ESYT2: variants seen among roughly 807,000 people sequenced by gnomAD.
ESYT2 encodes extended synaptotagmin 2.
ESYT2 carries 54 observed loss-of-function variants against 107.2 expected under a neutral mutation model. The ratio of observed to expected loss-of-function variants is 0.50; its 90% CI spans 0.40 to 0.63. ESYT2 has a LOEUF of 0.63. Ranked by LOEUF, ESYT2 falls within the 30% of genes least tolerant of loss-of-function variation. The pLI, the probability that ESYT2 is intolerant of heterozygous loss-of-function variation, is 0.00. For missense variants in ESYT2, 1,020 were observed against 1,094.5 expected (o/e 0.93, Z 0.96); for synonymous variants, 491 against 434.1 (o/e 1.13, Z -1.63).
chr7:158,739,210 C>G, intron 18 of ESYT2, 89 bp from the exon 19 acceptor site: 1 of 1,117,588 alleles, frequency 8.9e-7, no homozygotes. Context: ...AAAATAATTT[C>G]TATTCATTTA....
In ESYT2 at chr7:158,743,670, G is replaced by C. The variant is rs147804595; in HGVS notation, c.1653C>G (p.Asp551Glu). 84 of 1,608,422 alleles carry C rather than the reference G, an allele frequency of 5.2e-5. No homozygotes were observed. In the African/African-American group the frequency reaches 9.9e-4, roughly 19 times the overall value. The part of the protein sequence containing the change: ...KRQDLEVEVR[D>E]EQHQCSLGNL... ...TCCCCAGGGAACACTGGTGCTGCTC[G>C]TCTCTGACCTGCAAAACACAGGGTG... The change falls in exon 17 of 23, where the codon GAC (aspartate) becomes GAG (glutamate). Residue 551 changes from aspartate (D) to glutamate (E), a missense_variant. Transcript: ENST00000275418.
At chr7:158,743,787 A>T in intron 16 of ESYT2, 109 bp from the exon 17 acceptor site, 1 of 1,295,084 alleles carries the variant, frequency 7.7e-7, no homozygotes, top group Non-Finnish European at 1.0e-6. Context: ...GAACTTAGAA[A>T]ATGTAGAAAG....
intron 6 of ESYT2, among the ~76,000 whole-genome samples, chr7:158,774,594 G>C (rs1838483665): frequency 6.6e-6 from 1 of 152,052 alleles, no homozygotes; most frequent in African/African-American, 2.4e-5. Context: ...ACTTAAAAAG[G>C]AACAGGTACT....
At chr7:158,781,113 G>A (rs1219551281) in intron 6 of ESYT2, among the ~76,000 whole-genome samples, 1 of 152,250 alleles carries the variant, frequency 6.6e-6, no homozygotes, top group Non-Finnish European at 1.5e-5. Context: ...GTCAGAACAA[G>A]TACGAGAGAA....
chr7:158,820,834 T>C (rs768005383), intron 1 of ESYT2, among the ~76,000 whole-genome samples: 10 of 152,234 alleles, frequency 6.6e-5, no homozygotes, highest in African/African-American at 9.6e-5. Flanking sequence ...CAATTCATAC[T>C]ATGACTAATG....
Position 158,763,209 on chromosome 7 carries a change from T to C in ESYT2, c.1102-44A>G, listed in dbSNP as rs773351869. On this transcript the variant is annotated intron_variant, in intron 9 of 22. Coordinates refer to ENST00000275418, the MANE Select transcript of ESYT2 (RefSeq NM_001367773.1). The stretch of plus-strand genomic sequence containing the variant: ...GTAGTTAAGTGCATTTTTACTAATA[T>C]AGTCATACACTGAGTATGATATGAT... The C allele has an allele frequency of 7.0e-6, 10 of 1,422,266 alleles. No homozygotes were observed. In the South Asian group the frequency reaches 1.2e-4, roughly 17 times the overall value. The allele number at this position is 1,422,266 out of a possible 1,614,324, so 88.1% of individuals were successfully genotyped here. A position where few individuals can be genotyped will look rare whatever the true frequency, so the allele number is the denominator to read the frequency against.
intron 19 of ESYT2, among the ~76,000 whole-genome samples, chr7:158,738,817 G>A (rs1837080283): frequency 6.6e-6 from 1 of 152,218 alleles, no homozygotes; most frequent in South Asian, 2.1e-4. Context: ...GGGGACCGTT[G>A]TACTTCGGTG....
chr7:158,780,904 AAGAG>A (rs1360156320), intron 6 of ESYT2, among the ~76,000 whole-genome samples: 5 of 152,200 alleles, frequency 3.3e-5, no homozygotes, highest in African/African-American at 7.2e-5. Context: ...AGCAAGTGGA[AAGAG>A]AGAAAGGAAA....
intron 16 of ESYT2, among the ~76,000 whole-genome samples, chr7:158,745,814 G>A (rs4256546): frequency 2.6e-5 from 4 of 151,934 alleles, no homozygotes; most frequent in African/African-American, 4.8e-5. Context: ...AGACATCAAC[G>A]ACAAGTCAAA....
In ESYT2 at chr7:158,779,859, G is replaced by C. The variant is rs546865717; in HGVS notation, c.748-6463C>G. On this transcript the variant is annotated intron_variant, in intron 6 of 22. Coordinates refer to ENST00000275418, the MANE Select transcript of ESYT2 (RefSeq NM_001367773.1). ...CTTACAGAGGCTATGCAGAGCTTAT[G>C]AACAAGGGGTTCTTGGCCCTGGGGT... is the stretch of plus-strand genomic sequence containing the variant. Among the ~76,000 whole-genome samples the C allele has an allele frequency of 2.0e-4, 30 of 152,326 alleles. No homozygotes were observed. In the South Asian group the frequency reaches 6.0e-3, roughly 30 times the overall value.
In ESYT2 at chr7:158,749,685, G is replaced by T; in HGVS notation, c.1521C>A (p.Val507=). 1.2e-6 allele frequency: 2 copies of T among 1,613,974 alleles called. No homozygotes were observed. Among genetic ancestry groups the T allele is most frequent in the Non-Finnish European group, 1.7e-6 (2 of 1,179,982 alleles). ...KKISSNPNPV[V]QMSVGHKAQE... Reference sequence around the variant, plus strand: ...GGGCCTTGTGCCCAACTGACATCTGGACAACAGGATTTGGGTTGCTGCTTA... The same window carrying T: ...GGGCCTTGTGCCCAACTGACATCTGTACAACAGGATTTGGGTTGCTGCTTA... Residue 507 remains valine, a synonymous_variant, in exon 15 of 23, where the codon GTC becomes GTA. Transcript: ENST00000275418.
chr7:158,776,213 A>G (rs1273742981), intron 6 of ESYT2, among the ~76,000 whole-genome samples: 2 of 151,810 alleles, frequency 1.3e-5, no homozygotes, highest in African/African-American at 2.4e-5. Flanking sequence ...CGTGATTCTT[A>G]AGGGCCCAAG....
Position 158,785,470 on chromosome 7 carries a change from T to TC in ESYT2, c.747+2533_747+2534insG, listed in dbSNP as rs1210138554. Among the ~76,000 whole-genome samples, 16 of 141,976 alleles carry TC rather than the reference T, an allele frequency of 1.1e-4. No homozygotes were observed. The East Asian group carries it at 2.0e-3, about 18-fold the overall frequency. The allele number at this position is 141,976 out of a possible 152,430, so 93.1% of individuals were successfully genotyped here. A position where few individuals can be genotyped will look rare whatever the true frequency, so the allele number is the denominator to read the frequency against. On this transcript the variant is annotated intron_variant, in intron 6 of 22. Coordinates refer to ENST00000275418, the MANE Select transcript of ESYT2 (RefSeq NM_001367773.1). ...ATAAATAAATAAATAAATAAATAAATAAATCACCTCCAGTGTCAGGACTAA... is the reference window on the plus strand; with the variant it reads ...ATAAATAAATAAATAAATAAATAAATCAAATCACCTCCAGTGTCAGGACTAA...
chr7:158,748,207 T>C lies in ESYT2; in HGVS notation c.1631A>G (p.Asp544Gly). 1 of 1,614,152 alleles carries C rather than the reference T, an allele frequency of 6.2e-7. No homozygotes were observed. The highest frequency in any genetic ancestry group is 8.5e-7 in the Non-Finnish European group (1 of 1,180,008). The part of the protein sequence containing the change: ...TFFIHNPKRQ[D>G]LEVEVRDEQH... ...CAAATAAAATACCTCAACTTCAAGG[T>C]CCTGGCGCTTGGGATTGTGAATGAA... Residue 544 changes from aspartate to glycine, a missense_variant, in exon 16 of 23, where the codon GAC (aspartate) becomes GGC (glycine). Physicochemically the swap from Asp to Gly is moderately conservative, Grantham distance 94 (BLOSUM62 -1). Coordinates refer to ENST00000275418, the MANE Select transcript of ESYT2 (RefSeq NM_001367773.1).
chr7:158,781,822 T>C (rs1004358675), intron 6 of ESYT2, among the ~76,000 whole-genome samples: 4 of 150,212 alleles, frequency 2.7e-5, no homozygotes, highest in Non-Finnish European at 4.4e-5. Context: ...GATGTGAGTG[T>C]AATAACGAGA....
chr7:158,816,791 T>C (rs1398505302), intron 1 of ESYT2, among the ~76,000 whole-genome samples: 2 of 152,234 alleles, frequency 1.3e-5, no homozygotes, highest in Non-Finnish European at 2.9e-5. Context: ...TTCTTTCTAC[T>C]AGTTACTGGA....
At chr7:158,783,811 T>C (rs1839012359) in intron 6 of ESYT2, among the ~76,000 whole-genome samples, 1 of 152,206 alleles carries the variant, frequency 6.6e-6, no homozygotes, top group Non-Finnish European at 1.5e-5. Flanking sequence ...GGGAGGACAC[T>C]TCCCATGGGG....
intron 6 of ESYT2, 120 bp downstream of exon 6, chr7:158,787,884 C>T: frequency 1.4e-6 from 1 of 737,712 alleles, no homozygotes; most frequent in South Asian, 1.9e-5. Flanking sequence ...AGGATTCACA[C>T]AACAGAAAGG....
chr7:158,811,475 A>G (rs1207110699), intron 1 of ESYT2, among the ~76,000 whole-genome samples: 1 of 152,214 alleles, frequency 6.6e-6, no homozygotes, highest in Non-Finnish European at 1.5e-5. Flanking sequence ...CAAACTAGTT[A>G]ATCACTGAGA....
Sources: allele counts gnomAD v4.1 joint callset (sites outside exome capture counted in the v4.1 genomes callset), GRCh38; gene constraint gnomAD v4.1.1; transcripts MANE v1.5; gene names NCBI Gene and HGNC (gene_info 2026-07-23, HGNC 2026-07-21).